IL18BP: variants seen among roughly 807,000 people sequenced by gnomAD.
The protein encoded by IL18BP is interleukin-18-binding protein.
A neutral mutation model predicts 19.9 loss-of-function variants in IL18BP; 23 were observed. The ratio of observed to expected loss-of-function variants is 1.15; its 90% CI spans 0.83 to 1.64. The LOEUF is 1.64. IL18BP is among the 40% of genes most tolerant of loss of function. IL18BP has a pLI of 0.00. For missense variants in IL18BP, 239 were observed against 240.7 expected (o/e 0.99, Z 0.05); for synonymous variants, 107 against 101.0 (o/e 1.06, Z -0.35).
rs1590833011 is a variant in IL18BP at position 72,001,390 on chromosome 11, T to C, written c.360-15T>C. On this transcript the variant is annotated splice_polypyrimidine_tract_variant and intron_variant, in intron 4 of 5. Coordinates refer to ENST00000393703, the MANE Select transcript of IL18BP (RefSeq NM_001039660.2). Reference sequence around the variant, plus strand: ...CTGCGGCCTTCTCATGACCTTTCCTTCCCTTCCGCTCCAGCCGGGAACGTG... The same window carrying C: ...CTGCGGCCTTCTCATGACCTTTCCTCCCCTTCCGCTCCAGCCGGGAACGTG... 1 of 1,613,986 alleles carries C rather than the reference T, an allele frequency of 6.2e-7. No individual in the cohort carries two copies. The highest frequency in any genetic ancestry group is 1.3e-5 in the African/African-American group (1 of 75,020).
Position 71,999,679 on chromosome 11 carries a change from T to C in IL18BP, c.-58-248T>C, listed in dbSNP as rs75709161. ...TGTGACTGGGTGAGTCCATATTCTC[T>C]CTTTGGGTCTCAATTTTGCCTTCCC... is the stretch of plus-strand genomic sequence containing the variant. On this transcript the variant is annotated intron_variant, in intron 1 of 5. Transcript: ENST00000393703. 3.2e-3 allele frequency: 1,284 copies of C among 404,150 alleles called. 2 individuals are homozygous for C. Among genetic ancestry groups the C allele is most frequent in the Non-Finnish European group, 4.2e-3 (911 of 218,340 alleles). The allele number at this position is 404,150 out of a possible 1,614,324, so 25.0% of individuals were successfully genotyped here.
chr11:72,005,193 G>A (rs2134407811), downstream of IL18BP: 2 of 1,533,024 alleles, frequency 1.3e-6, no homozygotes, highest in African/African-American at 1.4e-5. Flanking sequence ...CCAAGGGAGG[G>A]CAGGGATGGG....
chr11:72,005,720 G>C (rs1486611547), downstream of IL18BP: 1 of 498,054 alleles, frequency 2.0e-6, no homozygotes, highest in South Asian at 2.8e-5. Flanking sequence ...CTTCCAAGAA[G>C]AGTCTGGCCA....
chr11:72,004,718 G>A (rs367669125), downstream of IL18BP: 82 of 1,613,604 alleles, frequency 5.1e-5, no homozygotes, highest in Non-Finnish European at 6.4e-5. Flanking sequence ...CAGTGCCCTC[G>A]GCTATCTGGA....
At chr11:72,003,701 T>C (rs1048696593), downstream of IL18BP, 10 of 1,034,186 alleles carry the variant, frequency 9.7e-6, no homozygotes, top group Non-Finnish European at 1.5e-5. Context: ...CTCTGGGTGC[T>C]CTCCATGAGA....
At chr11:72,005,225 G>C, downstream of IL18BP, 1 of 1,590,986 alleles carries the variant, frequency 6.3e-7, no homozygotes, top group Admixed American at 1.8e-5. Flanking sequence ...AGTGACCCCA[G>C]GCCTCACCCT....
intron 5 of IL18BP, 89 bp downstream of exon 5, chr11:72,001,641 T>C (rs779833945): frequency 6.3e-7 from 1 of 1,595,192 alleles, no homozygotes; most frequent in Admixed American, 1.8e-5. Flanking sequence ...CAGAGCAGCC[T>C]GTGAACTAAT....
chr11:72,005,220 C>T (rs1185695304), downstream of IL18BP: 6 of 1,588,214 alleles, frequency 3.8e-6, no homozygotes, highest in Non-Finnish European at 5.1e-6. Flanking sequence ...TGCACAGTGA[C>T]CCCAGGCCTC....
downstream of IL18BP, chr11:72,004,772 A>G (rs1041775308): frequency 6.3e-7 from 1 of 1,599,174 alleles, no homozygotes; most frequent in South Asian, 1.1e-5. Context: ...GGGGGTCTCC[A>G]GTTTTCATCT....
downstream of IL18BP, chr11:72,007,144 G>A (rs1955777083): frequency 1.9e-6 from 3 of 1,596,168 alleles, no homozygotes; most frequent in Non-Finnish European, 2.5e-6. Context: ...CCCTTGAGAG[G>A]AAGTGGGAAT....
chr11:72,002,047 A>G lies in IL18BP; in HGVS notation c.*186A>G, dbSNP rs1955280991. On this transcript the variant is annotated 3_prime_UTR_variant, in exon 6 of 6. Coordinates refer to ENST00000393703, the MANE Select transcript of IL18BP (RefSeq NM_001039660.2). ...CATTCCCACCTACCTAGAAAATCAC[A>G]GCCTCCTTATAATGCCTCCTCCTCC... 1.2e-6 allele frequency: 1 copy of G among 802,190 alleles called. No individual in the cohort carries two copies. 49.7% of individuals were successfully genotyped at this position (802,190 alleles called of 1,614,324 possible).
At chr11:72,003,901 G>A (rs558707315), downstream of IL18BP, 238 of 1,613,670 alleles carry the variant, frequency 1.5e-4, 1 homozygote, top group South Asian at 2.3e-3. Flanking sequence ...CCCTTGGCTC[G>A]AGGGGTGGCA....
chr11:72,006,272 CAG>C (rs1170415750), downstream of IL18BP: 1 of 1,611,650 alleles, frequency 6.2e-7, no homozygotes, highest in Non-Finnish European at 8.5e-7. Context: ...TTCTGGAAGA[CAG>C]AGTGAATCTG....
intron 1 of IL18BP, 104 bp downstream of exon 1, chr11:71,999,123 A>T (rs746701217): frequency 2.1e-5 from 11 of 515,306 alleles, no homozygotes; most frequent in African/African-American, 1.5e-4. Context: ...GATGTAGCCG[A>T]CCTTGGGGCT....
downstream of IL18BP, chr11:72,003,941 T>C: frequency 6.2e-7 from 1 of 1,613,476 alleles, no homozygotes; most frequent in African/African-American, 1.3e-5. Flanking sequence ...CGGCGCTGGC[T>C]GTGGTGGTGG....
downstream of IL18BP, chr11:72,007,455 T>C: frequency 6.2e-7 from 1 of 1,612,072 alleles, no homozygotes; most frequent in Non-Finnish European, 8.5e-7. Flanking sequence ...GGAAACCTGC[T>C]GAGGTACAGT....
At chr11:72,004,846 C>T (rs1955571855), downstream of IL18BP, 1 of 1,536,296 alleles carries the variant, frequency 6.5e-7, no homozygotes, top group East Asian at 2.3e-5. Context: ...GGTCAGTGGA[C>T]CATAGCTGTA....
At chr11:72,007,140 A>G (rs1167418836), downstream of IL18BP, 1 of 1,594,174 alleles carries the variant, frequency 6.3e-7, no homozygotes, top group Non-Finnish European at 8.5e-7. Flanking sequence ...GATGCCCTTG[A>G]GAGGAAGTGG....
chr11:72,004,832 A>T (rs1485787094), downstream of IL18BP: 1 of 1,553,750 alleles, frequency 6.4e-7, no homozygotes, highest in African/African-American at 1.4e-5. Flanking sequence ...TGGGTGGAAG[A>T]GGTGGTCAGT....
Sources: gnomAD v4.1 joint callset for allele counts on GRCh38, gnomAD v4.1.1 for gene constraint, MANE v1.5 for transcripts, NCBI Gene and HGNC (gene_info 2026-07-23, HGNC 2026-07-21) for gene names.